The following ADARB2 variants were observed in gnomAD, a reference collection of about 807,000 sequenced individuals.
ADARB2 encodes inactive double-stranded RNA-specific editase B2.
In ADARB2, 25 loss-of-function variants were observed where a neutral mutation model predicts 62.2. That is an observed-to-expected ratio of 0.40 (90% CI 0.29 to 0.56). The LOEUF is 0.56. Ranked by LOEUF, ADARB2 falls within the 20% of genes least tolerant of loss-of-function variation. The pLI is 0.43. For synonymous variants in ADARB2, 572 were observed against 500.8 expected (o/e 1.14, Z -1.90); for missense variants, 1,071 against 1,077.4 (o/e 0.99, Z 0.08).
Position 1,226,161 on chromosome 10 carries a change from G to T in ADARB2, c.1513+7533C>A, listed in dbSNP as rs193190936. Among the ~76,000 whole-genome samples the T allele has an allele frequency of 7.2e-4, 109 of 152,022 alleles. 1 individual carries two copies. The highest frequency in any genetic ancestry group is 2.4e-3 in the Admixed American group (36 of 15,270). On this transcript the variant is annotated intron_variant, in intron 6 of 9. Coordinates refer to ENST00000381312, the MANE Select transcript of ADARB2 (RefSeq NM_018702.4). ...TCTTCTTGATTCATTTCATTCATTTGATCTTCCATCACTGATACCCTTTCT... is the reference window on the plus strand; with the variant it reads ...TCTTCTTGATTCATTTCATTCATTTTATCTTCCATCACTGATACCCTTTCT...
intron 3 of ADARB2, among the ~76,000 whole-genome samples, chr10:1,313,580 G>A (rs941183532): frequency 2.0e-5 from 3 of 152,156 alleles, no homozygotes; most frequent in African/African-American, 7.2e-5. Context: ...CCACTGTGAG[G>A]CACCACCTCC....
chr10:1,268,386 G>A (rs1312305741), intron 4 of ADARB2, among the ~76,000 whole-genome samples: 1 of 152,112 alleles, frequency 6.6e-6, no homozygotes, highest in East Asian at 1.9e-4. Context: ...ATATATTTCT[G>A]TGATTATATT....
intron 1 of ADARB2, among the ~76,000 whole-genome samples, chr10:1,579,217 C>T (rs4880876): frequency 0.26 from 39,695 of 151,994 alleles, 5,523 homozygotes; most frequent in South Asian, 0.32. Context: ...GTCACCTGTT[C>T]GAGGGCAAAT....
chr10:1,585,340 G>A (rs918784234), intron 1 of ADARB2, among the ~76,000 whole-genome samples: 4 of 152,024 alleles, frequency 2.6e-5, no homozygotes, highest in South Asian at 2.1e-4. Context: ...GAACTGCATC[G>A]GACAAACCTG....
chr10:1,411,911 C>G (rs1832763089), intron 1 of ADARB2, among the ~76,000 whole-genome samples: 1 of 152,224 alleles, frequency 6.6e-6, no homozygotes, highest in Non-Finnish European at 1.5e-5. Context: ...GTATAGATTT[C>G]TATACATAAA....
At chr10:1,433,674 T>C (rs1830801952) in intron 1 of ADARB2, among the ~76,000 whole-genome samples, 1 of 152,014 alleles carries the variant, frequency 6.6e-6, no homozygotes, top group Non-Finnish European at 1.5e-5. Context: ...CCACCAACCC[T>C]GAGTTGGGAT....
In ADARB2 at chr10:1,220,060, GTGA is replaced by G. The variant is rs1321164229; in HGVS notation, c.1514-2944_1514-2942del. Among the ~76,000 whole-genome samples, 49 of 143,968 alleles carry G rather than the reference GTGA, an allele frequency of 3.4e-4. 2 individuals carry two copies. The highest frequency in any genetic ancestry group is 9.1e-4 in the African/African-American group (35 of 38,296). 94.4% of individuals were successfully genotyped at this position (143,968 alleles called of 152,430 possible). ...GATGGTAATGGTGATGGTGGTGGTG[GTGA>G]TGATGGTGATGGTGATGATGGTGGT... On this transcript the variant is annotated intron_variant, in intron 6 of 9. Transcript: ENST00000381312.
intron 1 of ADARB2, among the ~76,000 whole-genome samples, chr10:1,668,211 G>A (rs965802640): frequency 1.3e-4 from 20 of 152,280 alleles, no homozygotes; most frequent in African/African-American, 4.8e-4. Context: ...CTCTCTCTCC[G>A]GTTGCAATAG....
At chr10:1,271,629 C>T (rs1216196071) in intron 3 of ADARB2, among the ~76,000 whole-genome samples, 1 of 144,486 alleles carries the variant, frequency 6.9e-6, no homozygotes, top group African/African-American at 2.6e-5. Context: ...TATGCACACA[C>T]ATGCACACAC....
chr10:1,184,605 G>A (rs1213944466), intron 9 of ADARB2, among the ~76,000 whole-genome samples: 1 of 152,238 alleles, frequency 6.6e-6, no homozygotes, highest in Non-Finnish European at 1.5e-5. Flanking sequence ...GGCTCCGTCA[G>A]GGGTTCAGCA....
At chr10:1,250,688 T>C (rs945901955) in intron 4 of ADARB2, among the ~76,000 whole-genome samples, 1 of 152,188 alleles carries the variant, frequency 6.6e-6, no homozygotes, top group Non-Finnish European at 1.5e-5. Context: ...CACTATTTTT[T>C]ATAAAGTACC....
At chr10:1,618,399 T>C (rs56173453) in intron 1 of ADARB2, among the ~76,000 whole-genome samples, 24,411 of 152,218 alleles carry the variant, frequency 0.16, 2,058 homozygotes, top group Non-Finnish European at 0.19. Context: ...TTAAGATGAA[T>C]GAGAAGATTC....
At chr10:1,666,190 A>C (rs1410831964) in intron 1 of ADARB2, among the ~76,000 whole-genome samples, 1 of 152,202 alleles carries the variant, frequency 6.6e-6, no homozygotes, top group Admixed American at 6.5e-5. Flanking sequence ...TAGAACCGGG[A>C]GGGAGAGGAA....
chr10:1,348,079 T>C (rs1348512729), intron 3 of ADARB2, among the ~76,000 whole-genome samples: 1 of 151,472 alleles, frequency 6.6e-6, no homozygotes, highest in East Asian at 1.9e-4. Flanking sequence ...ACAGAGACAG[T>C]GGGAATGTGA....
At chr10:1,374,633 C>A (rs1309196014) in intron 2 of ADARB2, among the ~76,000 whole-genome samples, 1 of 152,158 alleles carries the variant, frequency 6.6e-6, no homozygotes, top group African/African-American at 2.4e-5. Context: ...CCGTATGCAG[C>A]GCTGCGCTTG....
intron 3 of ADARB2, among the ~76,000 whole-genome samples, chr10:1,349,662 C>T (rs1054015822): frequency 6.6e-6 from 1 of 151,868 alleles, no homozygotes; most frequent in African/African-American, 2.4e-5. Flanking sequence ...TTCAATCTCT[C>T]CCTTCTCTTA....
intron 7 of ADARB2, among the ~76,000 whole-genome samples, chr10:1,209,706 C>T (rs1384026945): frequency 1.3e-5 from 2 of 152,096 alleles, no homozygotes; most frequent in African/African-American, 4.8e-5. Flanking sequence ...CATGCCCACA[C>T]CTACAGCTTG....
chr10:1,460,809 GA>G (rs1831164113), intron 1 of ADARB2, among the ~76,000 whole-genome samples: 1 of 114,530 alleles, frequency 8.7e-6, no homozygotes, highest in Non-Finnish European at 1.8e-5. Context: ...ACCTGTCTGT[GA>G]CCTGAGTTTA....
At chr10:1,234,137 C>T (rs1245994915) in intron 5 of ADARB2, among the ~76,000 whole-genome samples, 2 of 151,530 alleles carry the variant, frequency 1.3e-5, no homozygotes, top group Non-Finnish European at 1.5e-5. Flanking sequence ...TACAGGCATG[C>T]GCCACCACGC....
Sources: allele counts gnomAD v4.1 joint callset (sites outside exome capture counted in the v4.1 genomes callset), GRCh38; gene constraint gnomAD v4.1.1; transcripts MANE v1.5; gene names NCBI Gene and HGNC (gene_info 2026-07-23, HGNC 2026-07-21).